The following PTPN9 variants were observed in gnomAD, a reference collection of about 807,000 sequenced individuals.
The protein encoded by PTPN9 is protein tyrosine phosphatase non-receptor type 9, also known as tyrosine-protein phosphatase non-receptor type 9.
In PTPN9, 26 loss-of-function variants were observed where a neutral mutation model predicts 69.8. The ratio of observed to expected loss-of-function variants is 0.37; its 90% CI spans 0.27 to 0.52. The LOEUF (loss-of-function observed/expected upper bound fraction) is 0.52. Among genes scored for constraint, PTPN9 ranks in the 20% least tolerant of loss-of-function variants. The pLI is 0.91. For synonymous variants in PTPN9, 274 were observed against 272.5 expected, an observed-to-expected ratio of 1.01 and a Z score of -0.05; for missense variants, 549 against 740.3, an observed-to-expected ratio of 0.74 and a Z score of 3.00.
At chr15:75,500,089 G>A (rs557933743) in intron 7 of PTPN9, among the ~76,000 whole-genome samples, 3 of 151,862 alleles carry the variant, frequency 2.0e-5, no homozygotes, top group African/African-American at 7.3e-5. Flanking sequence ...CAAGGAGGAC[G>A]AATCACCCGA....
chr15:75,551,932 G>A (rs181632874), intron 1 of PTPN9, among the ~76,000 whole-genome samples: 3 of 151,888 alleles, frequency 2.0e-5, no homozygotes, highest in Admixed American at 2.0e-4. Flanking sequence ...CAGTTACTTG[G>A]GAGGCTGAGG....
At chr15:75,562,116 G>C (rs2075106340) in intron 1 of PTPN9, among the ~76,000 whole-genome samples, 1 of 152,094 alleles carries the variant, frequency 6.6e-6, no homozygotes, top group Non-Finnish European at 1.5e-5. Flanking sequence ...GCTTCCCACA[G>C]TACTGGGATT....
chr15:75,567,123 C>T (rs1214786063), intron 1 of PTPN9, among the ~76,000 whole-genome samples: 1 of 150,272 alleles, frequency 6.7e-6, no homozygotes, highest in African/African-American at 2.5e-5. Context: ...TCAAGTGATT[C>T]TCCTGCCTCA....
chr15:75,531,318 G>A (rs1414641003), intron 1 of PTPN9, among the ~76,000 whole-genome samples: 1 of 152,034 alleles, frequency 6.6e-6, no homozygotes, highest in Admixed American at 6.6e-5. Flanking sequence ...AGGCCATGAA[G>A]AAAAGCTTTC....
rs530980471 is a variant in PTPN9 at position 75,482,048 on chromosome 15, G to A, written c.1063-2134C>T. 9.4e-5 allele frequency among the ~76,000 whole-genome samples: 14 copies of A among 149,456 alleles called. 1 individual carries two copies. Among genetic ancestry groups the A allele is most frequent in the South Asian group, 6.6e-4 (3 of 4,566 alleles). ...AAGGTGGGGAAAAGATTGAGAAATC[G>A]GATGGTTGCCGTGTCTGTGTAGAAA... On this transcript the variant is annotated intron_variant, in intron 8 of 12. Coordinates refer to ENST00000618819, the MANE Select transcript of PTPN9 (RefSeq NM_002833.4).
chr15:75,521,324 C>T (rs1452928590), intron 4 of PTPN9, among the ~76,000 whole-genome samples: 4 of 149,834 alleles, frequency 2.7e-5, no homozygotes, highest in Non-Finnish European at 5.9e-5. Flanking sequence ...TGGTGGCAGG[C>T]GCCTGTAGTC....
At chr15:75,569,505 G>C (rs577594928) in intron 1 of PTPN9, among the ~76,000 whole-genome samples, 2 of 152,082 alleles carry the variant, frequency 1.3e-5, no homozygotes, top group Non-Finnish European at 2.9e-5. Context: ...AGGAGTTCAA[G>C]AGCAGCCTGG....
chr15:75,503,551 G>C (rs1287075028), intron 7 of PTPN9, among the ~76,000 whole-genome samples: 2,843 of 97,584 alleles, frequency 0.029, no homozygotes, highest in East Asian at 0.06. Flanking sequence ...AGGTGGGGGG[G>C]TCAGCCCCCC....
At chr15:75,544,312 C>T (rs1486640884) in intron 1 of PTPN9, among the ~76,000 whole-genome samples, 1 of 152,162 alleles carries the variant, frequency 6.6e-6, no homozygotes, top group African/African-American at 2.4e-5. Flanking sequence ...GCAGGAGGAT[C>T]GTTTGAGCCC....
At chr15:75,503,366 C>T (rs2074785745) in intron 7 of PTPN9, among the ~76,000 whole-genome samples, 14 of 146,146 alleles carry the variant, frequency 9.6e-5, no homozygotes, top group Admixed American at 9.4e-4. Context: ...TGCCCAGCCG[C>T]CCCGTCTGAG....
At chr15:75,576,147 G>A (rs1221138552) in intron 1 of PTPN9, among the ~76,000 whole-genome samples, 4 of 151,636 alleles carry the variant, frequency 2.6e-5, no homozygotes, top group Non-Finnish European at 5.9e-5. Flanking sequence ...CAGGAGAATC[G>A]CTTGAATCAG....
chr15:75,513,460 G>A (rs758953668), intron 5 of PTPN9: 2 of 452,100 alleles, frequency 4.4e-6, no homozygotes, highest in Non-Finnish European at 8.9e-6. Flanking sequence ...AGAGTGACAT[G>A]TCAGATTGAG....
chr15:75,553,854 C>G (rs567520721), intron 1 of PTPN9, among the ~76,000 whole-genome samples: 5 of 152,200 alleles, frequency 3.3e-5, no homozygotes, highest in African/African-American at 1.2e-4. Context: ...GAGTCTGAGT[C>G]ACATACTCAA....
chr15:75,478,191 C>T lies in PTPN9; in HGVS notation c.1129+1657G>A, dbSNP rs368391237. Among the ~76,000 whole-genome samples, 4 of 148,766 alleles carry T rather than the reference C, an allele frequency of 2.7e-5. No individual in the cohort carries two copies. In the East Asian group the frequency reaches 6.0e-4, roughly 22 times the overall value. On this transcript the variant is annotated intron_variant, in intron 9 of 12. Coordinates refer to ENST00000618819, the MANE Select transcript of PTPN9 (RefSeq NM_002833.4). ...CGCAATCTCTGCTCGCTGCAACCTC[C>T]GCCTCCTGGGTTCAAGCGATTCTCC...
At chr15:75,517,820 A>G (rs141219244) in intron 4 of PTPN9, among the ~76,000 whole-genome samples, 262 of 152,296 alleles carry the variant, frequency 1.7e-3, no homozygotes, top group African/African-American at 6.0e-3. Flanking sequence ...CTGTATAGCC[A>G]TCTGATTCTC....
intron 7 of PTPN9, among the ~76,000 whole-genome samples, chr15:75,491,698 T>A (rs1197920914): frequency 6.6e-6 from 1 of 152,152 alleles, no homozygotes; most frequent in African/African-American, 2.4e-5. Flanking sequence ...TAAGTGATAC[T>A]GATCAGAAAA....
At chr15:75,504,661 G>A (rs1416098673) in intron 7 of PTPN9, among the ~76,000 whole-genome samples, 4 of 142,186 alleles carry the variant, frequency 2.8e-5, no homozygotes, top group East Asian at 2.3e-4. Flanking sequence ...CCCCCCGCCC[G>A]GCCAGCCGCC....
chr15:75,572,918 C>G (rs754627180), intron 1 of PTPN9, among the ~76,000 whole-genome samples: 1 of 152,156 alleles, frequency 6.6e-6, no homozygotes, highest in Non-Finnish European at 1.5e-5. Context: ...TATGTTTCCT[C>G]TGGCAATACA....
chr15:75,516,741 C>CTTTTT (rs34906409), intron 5 of PTPN9, among the ~76,000 whole-genome samples: 9 of 87,938 alleles, frequency 1.0e-4, no homozygotes, highest in African/African-American at 1.6e-4. Context: ...TGTTCCTGTG[C>CTTTTT]TTTTTTTTTT....
Sources: allele counts gnomAD v4.1 joint callset (sites outside exome capture counted in the v4.1 genomes callset), GRCh38; gene constraint gnomAD v4.1.1; transcripts MANE v1.5; gene names NCBI Gene and HGNC (gene_info 2026-07-23, HGNC 2026-07-21).